Variants in AADACL3 observed in about 807,000 individuals in gnomAD.
The protein encoded by AADACL3 is arylacetamide deacetylase like 3.
A neutral mutation model predicts 13.6 loss-of-function variants in AADACL3; 13 were observed. That is an observed-to-expected ratio of 0.95 (90% confidence interval 0.62 to 1.52). The LOEUF (loss-of-function observed/expected upper bound fraction) is 1.52, where lower values mean the gene tolerates loss of function less well. AADACL3 is among the 40% of genes most tolerant of loss of function. The probability of loss-of-function intolerance (pLI) is 0.00; values close to 1 mark genes in which losing one functional copy is unlikely to be tolerated. For synonymous variants in AADACL3, 195 were observed against 197.0 expected (o/e 0.99, Z 0.08); for missense variants, 519 against 499.2 (o/e 1.04, Z -0.38).
chr1:12,719,543 T>A lies in AADACL3; in HGVS notation c.237T>A (p.Pro79=). The change falls in exon 2 of 4, where the codon CCT becomes CCA. Residue 79 remains proline (P), a synonymous_variant. Coordinates refer to ENST00000359318, the MANE Select transcript of AADACL3 (RefSeq NM_001103170.3). ...PQFFCFMQDL[P]PLKYDPDVVV... is the part of the protein sequence containing the mutation. The stretch of plus-strand genomic sequence containing the variant: ...TTTTCTGTTTCATGCAAGATCTGCC[T>A]CCGCTAAAGTATGACCCCGATGTTG... 1 of 1,614,126 alleles carries A rather than the reference T, an allele frequency of 6.2e-7. No individual in the cohort carries two copies. Among genetic ancestry groups the A allele is most frequent in the Non-Finnish European group, 8.5e-7 (1 of 1,179,972 alleles).
At chr1:12,723,591 C>T (rs946010936) in intron 3 of AADACL3, among the ~76,000 whole-genome samples, 1 of 152,162 alleles carries the variant, frequency 6.6e-6, no homozygotes, top group South Asian at 2.1e-4. Flanking sequence ...GATTCTTGTG[C>T]CTCAGTCTCC....
rs757565628 is a variant in AADACL3, at chr1:12,725,522, C to T, written c.750C>T (p.Cys250=). 18 of 1,614,042 alleles carry T rather than the reference C, an allele frequency of 1.1e-5. No individual in the cohort carries two copies. Among genetic ancestry groups the T allele is most frequent in the Non-Finnish European group, 1.4e-5 (16 of 1,180,036 alleles). The change falls in exon 4 of 4, where the codon TGC becomes TGT. Residue 250 remains cysteine (C), a synonymous_variant. Transcript: ENST00000359318. ...CACTGCTCACCTGGAGTTTCATCTG[C>T]TACTTTTTTTTTCAAAACCTGGATT... ...NIPLLTWSFI[C]YFFFQNLDFS... is the part of the protein sequence containing the mutation.
At chr1:12,719,450 C>A (rs908425822) in intron 1 of AADACL3, 25 bp from the exon 2 acceptor site, 22 of 1,602,514 alleles carry the variant, frequency 1.4e-5, no homozygotes, top group Non-Finnish European at 1.6e-5. Flanking sequence ...CCATCTCGAC[C>A]CATCATTTCT....
rs1475968099 is a variant in AADACL3 at position 12,725,785 on chromosome 1, A to T, written c.1013A>T (p.Glu338Val). The stretch of plus-strand genomic sequence containing the variant: ...GATGACATAGTGTCTCAGCTCCCGG[A>T]AACCTGCATCGTGAGCTGTGAGTAT... The part of the protein sequence containing the change: ...AEDDIVSQLP[E>V]TCIVSCEYDA... The change falls in exon 4 of 4, where the codon GAA becomes GTA. Residue 338 changes from glutamate (E) to valine (V), a missense_variant. Glu to Val is a moderately radical substitution (Grantham distance 121). Transcript: ENST00000359318. 1 of 1,614,038 alleles carries T rather than the reference A, an allele frequency of 6.2e-7. No homozygotes were observed. Among genetic ancestry groups the T allele is most frequent in the African/African-American group, 1.3e-5 (1 of 74,894 alleles).
At chr1:12,723,283 T>C (rs1638303783) in intron 3 of AADACL3, among the ~76,000 whole-genome samples, 1 of 152,170 alleles carries the variant, frequency 6.6e-6, no homozygotes, top group Admixed American at 6.5e-5. Context: ...ACCCAATTTT[T>C]GGTGAATCAG....
At chr1:12,719,224 G>T (rs1184960618) in intron 1 of AADACL3, among the ~76,000 whole-genome samples, 1 of 152,132 alleles carries the variant, frequency 6.6e-6, no homozygotes, top group African/African-American at 2.4e-5. Context: ...TGTAGTGGCT[G>T]CAGTGGAAGG....
intron 3 of AADACL3, among the ~76,000 whole-genome samples, chr1:12,723,278 A>G (rs1040345623): frequency 1.3e-5 from 2 of 152,102 alleles, no homozygotes; most frequent in Non-Finnish European, 1.5e-5. Context: ...TATTTACCCA[A>G]TTTTTGGTGA....
intron 1 of AADACL3, among the ~76,000 whole-genome samples, chr1:12,718,637 C>G (rs550245969): frequency 6.6e-6 from 1 of 152,180 alleles, no homozygotes; most frequent in East Asian, 1.9e-4. Context: ...GCCGGGAATA[C>G]AGGAGCCCAC....
At chr1:12,716,645 T>C (rs1244615369) in intron 1 of AADACL3, among the ~76,000 whole-genome samples, 1 of 152,202 alleles carries the variant, frequency 6.6e-6, no homozygotes, top group African/African-American at 2.4e-5. Flanking sequence ...TGACTTTCTT[T>C]TTGTTGTTGT....
Position 12,719,614 on chromosome 1 carries a change from A to G in AADACL3, c.308A>G (p.Gln103Arg). ...GGGACAATCCCTGTGAAGCTGTACC[A>G]ACCCAAGGCATCCACCTGCACCCTG... ...RFGTIPVKLY[Q>R]PKASTCTLKP... is the part of the protein sequence containing the mutation. Residue 103 changes from glutamine (Q) to arginine (R), a missense_variant, in exon 2 of 4, where the codon CAA becomes CGA. Coordinates refer to ENST00000359318, the MANE Select transcript of AADACL3 (RefSeq NM_001103170.3). 6.2e-7 allele frequency: 1 copy of G among 1,614,164 alleles called. No homozygotes were observed. Among genetic ancestry groups the G allele is most frequent in the Non-Finnish European group, 8.5e-7 (1 of 1,180,028 alleles).
chr1:12,727,616 G>C lies in AADACL3; in HGVS notation c.*1620G>C, dbSNP rs1416838417. On this transcript the variant is annotated 3_prime_UTR_variant, in exon 4 of 4. Coordinates refer to ENST00000359318, the MANE Select transcript of AADACL3 (RefSeq NM_001103170.3). ...AAAACCCTGTGCATGCCCTTAACTT[G>C]CTTTCAGTTGAATATTTGGGCTGAA... is the stretch of plus-strand genomic sequence containing the variant. The C allele has an allele frequency of 6.6e-6, 1 of 152,226 alleles. No homozygotes were observed. Among genetic ancestry groups the C allele is most frequent in the Non-Finnish European group, 1.5e-5 (1 of 68,046 alleles). The allele number at this position is 152,226 out of a possible 1,614,324, so 9.4% of individuals were successfully genotyped here.
chr1:12,725,406 C>A lies in AADACL3; in HGVS notation c.634C>A (p.Leu212Met), dbSNP rs757247172. The A allele has an allele frequency of 6.2e-7, 1 of 1,614,132 alleles. No homozygotes were observed. The highest frequency in any genetic ancestry group is 1.1e-5 in the South Asian group (1 of 91,066). The change falls in exon 4 of 4, where the codon CTG becomes ATG. Residue 212 changes from leucine to methionine, a missense_variant. By Grantham distance (15) the Leu-to-Met change is conservative. Transcript: ENST00000359318. The part of the protein sequence containing the change: ...VCQQLVDRPD[L>M]PRIRAQILIY... ...TCAACAACTTGTGGACAGGCCAGAT[C>A]TGCCCCGGATCCGGGCTCAGATCCT...
chr1:12,719,799 A>G lies in AADACL3; in HGVS notation c.385+108A>G, dbSNP rs759100219. ...TAAAGTATGCTATTATTATCAGGGA[A>G]CACCAGGGCAGTTCATGGTTTGCAG... On this transcript the variant is annotated intron_variant, in intron 2 of 3. Transcript: ENST00000359318. The G allele has an allele frequency of 7.0e-5, 82 of 1,164,034 alleles. 2 individuals are homozygous for G. In the Middle Eastern group the frequency reaches 8.7e-4, roughly 12 times the overall value. 72.1% of individuals were successfully genotyped at this position (1,164,034 alleles called of 1,614,324 possible). A position where few individuals can be genotyped will look rare whatever the true frequency, so the allele number is the denominator to read the frequency against.
chr1:12,725,857 A>C lies in AADACL3; in HGVS notation c.1085A>C (p.Asp362Ala). The change falls in exon 4 of 4, where the codon GAC (aspartate) becomes GCC (alanine). Residue 362 changes from aspartate (D) to alanine (A), a missense_variant. By Grantham distance (126) the Asp-to-Ala change is moderately radical. Coordinates refer to ENST00000359318, the MANE Select transcript of AADACL3 (RefSeq NM_001103170.3). Reference protein sequence around the residue: ...NSLLYKKRLEDLGVPVTWHHM... With the variant: ...NSLLYKKRLEALGVPVTWHHM... ...CTGTTGTACAAGAAAAGGCTGGAAG[A>C]CCTGGGAGTGCCCGTGACCTGGCAC... 1 of 1,614,156 alleles carries C rather than the reference A, an allele frequency of 6.2e-7. No homozygotes were observed. The highest frequency in any genetic ancestry group is 8.5e-7 in the Non-Finnish European group (1 of 1,180,016).
Position 12,720,909 on chromosome 1 carries a change from T to C in AADACL3, c.412T>C (p.Leu138=), listed in dbSNP as rs2100210863. The C allele has an allele frequency of 2.5e-6, 4 of 1,604,318 alleles. No homozygotes were observed. Among genetic ancestry groups the C allele is most frequent in the East Asian group, 4.5e-5 (2 of 44,236 alleles). Residue 138 remains leucine, a synonymous_variant, in exon 3 of 4, where the codon TTG becomes CTG. Transcript: ENST00000359318. ...LKTHHGICSR[L]CKESDSVVLA... The stretch of plus-strand genomic sequence containing the variant: ...AACCCACCATGGCATATGCTCTCGT[T>C]TGTGCAAGGAGAGTGACTCCGTGGT...
In AADACL3 at chr1:12,716,266, T is replaced by C; in HGVS notation, c.90T>C (p.Thr30=). The change falls in exon 1 of 4, where the codon ACT becomes ACC. Residue 30 remains threonine (T), a synonymous_variant. Coordinates refer to ENST00000359318, the MANE Select transcript of AADACL3 (RefSeq NM_001103170.3). Reference sequence around the variant, plus strand: ...GGGTCATTTGCAGCCATTTTTTCACTGTGCACATCCCTGCAGCGGTTGGCC... The same window carrying C: ...GGGTCATTTGCAGCCATTTTTTCACCGTGCACATCCCTGCAGCGGTTGGCC... The part of the protein sequence containing the change: ...TLWVICSHFF[T]VHIPAAVGHP... The C allele has an allele frequency of 1.3e-6, 2 of 1,593,720 alleles. No homozygotes were observed. Among genetic ancestry groups the C allele is most frequent in the Non-Finnish European group, 1.7e-6 (2 of 1,161,624 alleles).
At position 12,725,874 on chromosome 1, in the gene AADACL3, A is replaced by G. The variant is rs374603036; in HGVS notation, c.1102A>G (p.Thr368Ala). The stretch of plus-strand genomic sequence containing the variant: ...GCTGGAAGACCTGGGAGTGCCCGTG[A>G]CCTGGCACCATATGGAGGATGGTTT... ...KRLEDLGVPV[T>A]WHHMEDGFHG... The change falls in exon 4 of 4, where the codon ACC becomes GCC. Residue 368 changes from threonine to alanine, a missense_variant. Thr to Ala is a moderately conservative substitution (Grantham distance 58). Transcript: ENST00000359318. The G allele has an allele frequency of 6.2e-7, 1 of 1,614,076 alleles. No homozygotes were observed. The highest frequency in any genetic ancestry group is 8.5e-7 in the Non-Finnish European group (1 of 1,180,036).
At chr1:12,717,277 T>C (rs531119081) in intron 1 of AADACL3, among the ~76,000 whole-genome samples, 4 of 152,306 alleles carry the variant, frequency 2.6e-5, no homozygotes, top group African/African-American at 7.2e-5. Context: ...TCAGCTTTTA[T>C]AAGATGCAGT....
chr1:12,716,393 C>T (rs756427903), intron 1 of AADACL3, 49 bp downstream of exon 1: 71 of 1,612,774 alleles, frequency 4.4e-5, no homozygotes, highest in South Asian at 6.6e-5. Context: ...TTAAGGAAGG[C>T]GGCAGGAAAA....
Sources: allele counts gnomAD v4.1 joint callset (sites outside exome capture counted in the v4.1 genomes callset), GRCh38; gene constraint gnomAD v4.1.1; transcripts MANE v1.5; gene names NCBI Gene and HGNC (gene_info 2026-07-23, HGNC 2026-07-21).